Variants in DYNC1I1 observed in about 807,000 individuals in gnomAD.
The protein encoded by DYNC1I1 is cytoplasmic dynein 1 intermediate chain 1.
A neutral mutation model predicts 86.6 loss-of-function variants in DYNC1I1; 43 were observed. The ratio of observed to expected loss-of-function variants is 0.50; its 90% CI spans 0.39 to 0.64. The LOEUF (loss-of-function observed/expected upper bound fraction) is 0.64. Ranked by LOEUF, DYNC1I1 falls within the 30% of genes least tolerant of loss-of-function variation. The probability of loss-of-function intolerance (pLI) is 0.00; values close to 1 mark genes in which losing one functional copy is unlikely to be tolerated. For missense variants in DYNC1I1, 604 were observed against 788.8 expected, an observed-to-expected ratio of 0.77 and a Z score of 2.81; for synonymous variants, 262 against 283.7, an observed-to-expected ratio of 0.92 and a Z score of 0.77.
chr7:95,776,658 C>G (rs116529054), intron 1 of DYNC1I1, among the ~76,000 whole-genome samples: 8,274 of 152,208 alleles, frequency 0.054, 284 homozygotes, highest in African/African-American at 0.087. Flanking sequence ...CCAGTGGCAG[C>G]CAAAAATAAA....
At chr7:95,920,590 C>T (rs908088508) in intron 6 of DYNC1I1, among the ~76,000 whole-genome samples, 1 of 152,094 alleles carries the variant, frequency 6.6e-6, no homozygotes, top group African/African-American at 2.4e-5. Flanking sequence ...GACTGTATTG[C>T]CTTCGCAAGT....
chr7:96,021,202 T>C (rs1794541006), intron 10 of DYNC1I1, among the ~76,000 whole-genome samples: 1 of 152,184 alleles, frequency 6.6e-6, no homozygotes, highest in African/African-American at 2.4e-5. Context: ...ATTTTAAAAA[T>C]AAATAATTTG....
At chr7:96,077,273 GT>G (rs1584302773) in intron 15 of DYNC1I1, among the ~76,000 whole-genome samples, 1 of 151,746 alleles carries the variant, frequency 6.6e-6, no homozygotes, top group East Asian at 1.9e-4. Flanking sequence ...GTGTGTGTGT[GT>G]GTGGGAGGGG....
downstream of DYNC1I1, among the ~76,000 whole-genome samples, chr7:96,100,650 T>TTTTGTGTGTGTGTGTG (rs376786905): frequency 1.4e-5 from 2 of 142,848 alleles, no homozygotes; most frequent in Non-Finnish European, 3.0e-5. Context: ...TTTGAGGGTT[T>TTTTGTGTGTGTGTGTG]TGTGTGTGTG....
rs1428764049 is a variant in DYNC1I1 at position 95,908,874 on chromosome 7, G to T, written c.490+38876G>T. ...ATGTACCTTGTTAAATGTGATCTTG[G>T]CCTGTAAAGAAACAAAAGACTACTT... On this transcript the variant is annotated intron_variant, in intron 6 of 16. Transcript: ENST00000447467. Among the ~76,000 whole-genome samples the T allele has an allele frequency of 2.0e-5, 3 of 151,992 alleles. No individual in the cohort carries two copies. In the East Asian group the frequency reaches 5.8e-4, roughly 29 times the overall value.
At chr7:95,945,833 A>G (rs946557348) in intron 6 of DYNC1I1, among the ~76,000 whole-genome samples, 3 of 152,172 alleles carry the variant, frequency 2.0e-5, no homozygotes, top group African/African-American at 7.2e-5. Context: ...GATATATTCT[A>G]TTATAAAGAT....
At chr7:96,035,596 G>A (rs1000463780) in intron 12 of DYNC1I1, 23 bp from the exon 13 acceptor site, 27 of 1,559,544 alleles carry the variant, frequency 1.7e-5, no homozygotes, top group Non-Finnish European at 2.2e-5. Flanking sequence ...AGATGGAAAT[G>A]TAACCACACC....
chr7:95,869,042 A>G (rs1330161151), intron 5 of DYNC1I1, among the ~76,000 whole-genome samples: 1 of 152,116 alleles, frequency 6.6e-6, no homozygotes, highest in Non-Finnish European at 1.5e-5. Context: ...ACGGACCAAG[A>G]CTCATAACCT....
chr7:95,928,816 C>T (rs1791813207), intron 6 of DYNC1I1, among the ~76,000 whole-genome samples: 1 of 152,148 alleles, frequency 6.6e-6, no homozygotes, highest in Admixed American at 6.5e-5. Flanking sequence ...TAGTCTCCAG[C>T]TCCTAGAGTT....
intron 6 of DYNC1I1, among the ~76,000 whole-genome samples, chr7:95,950,346 G>A (rs1018939723): frequency 6.6e-6 from 1 of 152,094 alleles, no homozygotes; most frequent in African/African-American, 2.4e-5. Context: ...GGTTGATTTG[G>A]TGTGTGGTTT....
Position 95,987,219 on chromosome 7 carries a change from A to G in DYNC1I1, c.843+64A>G, listed in dbSNP as rs1326676627. The G allele has an allele frequency of 1.9e-5, 27 of 1,433,116 alleles. No homozygotes were observed. The South Asian group carries it at 3.0e-4, about 16-fold the overall frequency. The allele number at this position is 1,433,116 out of a possible 1,614,324, so 88.8% of individuals were successfully genotyped here. ...GTTCTCGTGGCATTTGTATAAAAAA[A>G]TAAGAGATTTGTTTACTTGCCTACG... is the stretch of plus-strand genomic sequence containing the variant. On this transcript the variant is annotated intron_variant, in intron 9 of 16. Transcript: ENST00000447467.
At chr7:96,016,000 G>T (rs933224999) in intron 10 of DYNC1I1, among the ~76,000 whole-genome samples, 2 of 152,046 alleles carry the variant, frequency 1.3e-5, no homozygotes, top group African/African-American at 4.8e-5. Context: ...TTGTGCCTTA[G>T]ACATAAGCAT....
intron 6 of DYNC1I1, among the ~76,000 whole-genome samples, chr7:95,957,771 C>T (rs768874945): frequency 2.6e-5 from 4 of 152,260 alleles, no homozygotes; most frequent in East Asian, 1.9e-4. Flanking sequence ...AGGACACACC[C>T]GGGAGTAGGC....
chr7:95,860,055 C>T (rs1031670465), intron 5 of DYNC1I1, among the ~76,000 whole-genome samples: 26 of 152,098 alleles, frequency 1.7e-4, no homozygotes, highest in Non-Finnish European at 1.8e-4. Flanking sequence ...CCATTGTTTT[C>T]CTTAGCTCTT....
chr7:96,001,337 G>A (rs1431674558), intron 10 of DYNC1I1, among the ~76,000 whole-genome samples: 2 of 152,264 alleles, frequency 1.3e-5, no homozygotes, highest in East Asian at 3.9e-4. Context: ...AGAAGCCTTG[G>A]TCTCAGGAAG....
rs572406314 is a variant in DYNC1I1 at position 95,806,744 on chromosome 7, A to T, written c.108+1907A>T. Reference sequence around the variant, plus strand: ...GGATCCGTTGGACCACATCATCTGTAGTGTCTCTCCTGGCTTGAAATCTTT... The same window carrying T: ...GGATCCGTTGGACCACATCATCTGTTGTGTCTCTCCTGGCTTGAAATCTTT... On this transcript the variant is annotated intron_variant, in intron 2 of 16. Coordinates refer to ENST00000447467, the MANE Select transcript of DYNC1I1 (RefSeq NM_001135556.2). Among the ~76,000 whole-genome samples, 18 of 152,246 alleles carry T rather than the reference A, an allele frequency of 1.2e-4. 1 individual carries two copies. Among genetic ancestry groups the T allele is most frequent in the East Asian group, 9.7e-4 (5 of 5,166 alleles).
chr7:95,835,122 TC>T, intron 5 of DYNC1I1, among the ~76,000 whole-genome samples: 1 of 84,162 alleles, frequency 1.2e-5, no homozygotes. Flanking sequence ...GCTATAAATT[TC>T]CCTCTACACA....
intron 1 of DYNC1I1, among the ~76,000 whole-genome samples, chr7:95,773,512 T>C (rs1793763213): frequency 6.6e-6 from 1 of 152,242 alleles, no homozygotes; most frequent in Admixed American, 6.5e-5. Flanking sequence ...GTCTCATGAC[T>C]TGTACCTTGG....
At chr7:96,101,278 A>G (rs117848109), downstream of DYNC1I1, among the ~76,000 whole-genome samples, 3,342 of 152,312 alleles carry the variant, frequency 0.022, 63 homozygotes, top group Non-Finnish European at 0.032. Flanking sequence ...GACCAAAAAC[A>G]TAGAGCAAGA....
Sources: gnomAD v4.1 joint callset for allele counts (sites outside exome capture counted in the v4.1 genomes callset) on GRCh38, gnomAD v4.1.1 for gene constraint, MANE v1.5 for transcripts, NCBI Gene and HGNC (gene_info 2026-07-23, HGNC 2026-07-21) for gene names.